Variants in RBM19 observed in about 807,000 individuals in gnomAD.
RBM19 encodes RNA binding motif protein 19.
In RBM19, 94 loss-of-function variants were observed where a neutral mutation model predicts 116.8. The ratio of observed to expected loss-of-function variants is 0.80; its 90% confidence interval spans 0.68 to 0.95. The LOEUF (loss-of-function observed/expected upper bound fraction) is 0.95. RBM19 is among the 40% of genes least tolerant of loss of function. The pLI is 0.00. For missense variants in RBM19, 1,161 were observed against 1,220.7 expected (o/e 0.95, Z 0.73); for synonymous variants, 475 against 494.1 (o/e 0.96, Z 0.51).
At chr12:113,926,821 T>C (rs1869114481) in intron 17 of RBM19, among the ~76,000 whole-genome samples, 1 of 152,100 alleles carries the variant, frequency 6.6e-6, no homozygotes, top group African/African-American at 2.4e-5. Flanking sequence ...CTCCAAAGCG[T>C]ATGTGGTAGC....
At chr12:113,924,820 G>T in intron 17 of RBM19, 63 bp from the exon 18 acceptor site, 1 of 1,382,542 alleles carries the variant, frequency 7.2e-7, no homozygotes, top group Non-Finnish European at 1.0e-6. Context: ...AAGGGCACCT[G>T]TCAAACACTA....
chr12:113,937,098 A>T lies in RBM19; in HGVS notation c.1977T>A (p.Val659=), dbSNP rs752892871. 3 of 1,614,070 alleles carry T rather than the reference A, an allele frequency of 1.9e-6. No homozygotes were observed. Among genetic ancestry groups the T allele is most frequent in the Non-Finnish European group, 2.5e-6 (3 of 1,179,982 alleles). The change falls in exon 16 of 24, where the codon GTT becomes GTA. Residue 659 remains valine (V), a synonymous_variant. Coordinates refer to ENST00000261741, the MANE Select transcript of RBM19 (RefSeq NM_016196.4). ...HVPLYLEWAP[V]GVFSSTAPQK... is the part of the protein sequence containing the mutation. ...GTGGGGCTGTGCTGGAGAAGACGCC[A>T]ACTGGAGCCCACTCCAGATAGAGGG...
intron 21 of RBM19, among the ~76,000 whole-genome samples, chr12:113,897,565 T>C (rs1881421317): frequency 6.6e-6 from 1 of 151,476 alleles, no homozygotes; most frequent in Admixed American, 6.6e-5. Flanking sequence ...CAATCCCGGC[T>C]ACTCGGGAGG....
chr12:113,827,790 T>C (rs1296125139), intron 23 of RBM19, among the ~76,000 whole-genome samples: 1 of 151,872 alleles, frequency 6.6e-6, no homozygotes, highest in African/African-American at 2.4e-5. Flanking sequence ...GTGGGTGAGC[T>C]GCCAGGATCA....
At chr12:113,878,460 A>C (rs1879828566) in intron 21 of RBM19, among the ~76,000 whole-genome samples, 1 of 152,158 alleles carries the variant, frequency 6.6e-6, no homozygotes, top group Admixed American at 6.5e-5. Context: ...ATGATGGATA[A>C]GTTTCCAGGG....
intron 21 of RBM19, among the ~76,000 whole-genome samples, chr12:113,911,413 C>A (rs1234984543): frequency 2.0e-5 from 3 of 152,246 alleles, no homozygotes; most frequent in East Asian, 1.9e-4. Context: ...AACAAAAAAA[C>A]CAGGAAAACG....
At chr12:113,888,666 T>TA (rs1194298776) in intron 21 of RBM19, among the ~76,000 whole-genome samples, 1 of 152,068 alleles carries the variant, frequency 6.6e-6, no homozygotes, top group Non-Finnish European at 1.5e-5. Context: ...GCAGAGCAGT[T>TA]ACAAGCAGAG....
rs543158961 is a variant in RBM19 at position 113,825,289 on chromosome 12, A to T, written c.2786-1968T>A. Among the ~76,000 whole-genome samples, 1 of 148,588 alleles carries T rather than the reference A, an allele frequency of 6.7e-6. No individual in the cohort carries two copies. Among genetic ancestry groups the T allele is most frequent in the South Asian group, 2.2e-4 (1 of 4,546 alleles). On this transcript the variant is annotated intron_variant, in intron 23 of 23. Coordinates refer to ENST00000261741, the MANE Select transcript of RBM19 (RefSeq NM_016196.4). The surrounding 1 kb of genome is among the most constrained non-coding windows in gnomAD (Gnocchi z 5.7). ...CCACCTGAGAGCCTCAAGGCCTTGC[A>T]GCTCTACCCATCATTGTTAATCATG...
intron 21 of RBM19, among the ~76,000 whole-genome samples, chr12:113,890,363 G>T (rs1024983901): frequency 6.6e-6 from 1 of 152,170 alleles, no homozygotes; most frequent in Non-Finnish European, 1.5e-5. Flanking sequence ...CTCTGGTGGG[G>T]GCAGGGGTGG....
At chr12:113,901,202 G>C (rs1018397696) in intron 21 of RBM19, among the ~76,000 whole-genome samples, 2 of 152,152 alleles carry the variant, frequency 1.3e-5, no homozygotes, top group African/African-American at 4.8e-5. Context: ...TCAGCCTTTT[G>C]ATTTCCCTAG....
At chr12:113,908,573 CAAAAAAAAAAAAAAA>C (rs11338829) in intron 21 of RBM19, among the ~76,000 whole-genome samples, 3 of 33,218 alleles carry the variant, frequency 9.0e-5, no homozygotes, top group African/African-American at 1.8e-4. Flanking sequence ...AAGAAAATAG[CAAAAAAAAAAAAAAA>C]AAAAAAAAAA....
intron 21 of RBM19, among the ~76,000 whole-genome samples, chr12:113,886,424 C>T (rs7307094): frequency 0.19 from 28,825 of 152,184 alleles, 2,829 homozygotes; most frequent in Middle Eastern, 0.23. Flanking sequence ...TAAGCCACCG[C>T]GACTGGCCAG....
chr12:113,886,206 C>G (rs1464205401), intron 21 of RBM19, among the ~76,000 whole-genome samples: 1 of 152,178 alleles, frequency 6.6e-6, no homozygotes, highest in Non-Finnish European at 1.5e-5. Flanking sequence ...AACCACAGCT[C>G]ACTGCAACCT....
rs925962024 is a variant in RBM19 at position 113,894,752 on chromosome 12, G to C, written c.2558+20217C>G. 1.7e-4 allele frequency among the ~76,000 whole-genome samples: 26 copies of C among 152,214 alleles called. 1 individual carries two copies. Among genetic ancestry groups the C allele is most frequent in the Admixed American group, 1.7e-3 (26 of 15,280 alleles). On this transcript the variant is annotated intron_variant, in intron 21 of 23. Coordinates refer to ENST00000261741, the MANE Select transcript of RBM19 (RefSeq NM_016196.4). ...CTACAAATCTACTTCTCCAAATGAA[G>C]GTCTGGGCTAGGACTCAAAGCCTGT...
intron 21 of RBM19, among the ~76,000 whole-genome samples, chr12:113,884,905 G>C (rs1685964255): frequency 1.1e-5 from 1 of 94,982 alleles, no homozygotes; most frequent in South Asian, 4.5e-4. Flanking sequence ...AATAACCACT[G>C]ACCCCACACT....
intron 21 of RBM19, among the ~76,000 whole-genome samples, chr12:113,893,737 A>G (rs1881116225): frequency 6.6e-6 from 1 of 152,224 alleles, no homozygotes; most frequent in Admixed American, 6.5e-5. Context: ...GCTGCCCAAT[A>G]TGGCAGCCTC....
At chr12:113,947,244 G>T (rs186400560) in intron 11 of RBM19, 90 bp downstream of exon 11, 2 of 1,425,646 alleles carry the variant, frequency 1.4e-6, no homozygotes, top group Admixed American at 2.3e-5. Context: ...GTGGACGCCC[G>T]TGTCCACACA....
chr12:113,876,745 C>G (rs1448563665), intron 21 of RBM19, among the ~76,000 whole-genome samples: 1 of 151,940 alleles, frequency 6.6e-6, no homozygotes, highest in Admixed American at 6.6e-5. Flanking sequence ...GAGCTGAGAT[C>G]GTGCCACTGC....
At chr12:113,961,498 C>T (rs1472640342) in intron 2 of RBM19, among the ~76,000 whole-genome samples, 1 of 152,176 alleles carries the variant, frequency 6.6e-6, no homozygotes, top group East Asian at 1.9e-4. Context: ...GGTACAAATC[C>T]TATCCTATGG....
Sources: gnomAD v4.1 joint callset for allele counts (sites outside exome capture counted in the v4.1 genomes callset) on GRCh38, gnomAD v4.1.1 for gene constraint, Gnocchi (gnomAD v3.1) non-coding constraint, MANE v1.5 for transcripts, NCBI Gene and HGNC (gene_info 2026-07-23, HGNC 2026-07-21) for gene names.